TNRC6B: variants seen among roughly 807,000 people sequenced by gnomAD.
TNRC6B encodes the protein trinucleotide repeat-containing gene 6B protein.
Under a neutral mutation model 203.6 loss-of-function variants are expected in TNRC6B, and 52 were observed. The observed-to-expected ratio is 0.26, with a 90% confidence interval of 0.20 to 0.32. TNRC6B has a LOEUF of 0.32. TNRC6B is among the 10% of genes least tolerant of loss of function. The pLI, the probability that TNRC6B is intolerant of heterozygous loss-of-function variation, is 1.00. For missense variants in TNRC6B, 1,923 were observed against 2,286.2 expected (o/e 0.84, Z 3.24); for synonymous variants, 838 against 845.7 (o/e 0.99, Z 0.16).
intron 3 of TNRC6B, among the ~76,000 whole-genome samples, chr22:40,256,811 G>A (rs1038279521): frequency 1.3e-5 from 2 of 152,336 alleles, no homozygotes; most frequent in East Asian, 3.9e-4. Context: ...GCTGGAGCAC[G>A]TCTCACAGAA....
chr22:40,230,549 C>A lies in TNRC6B; in HGVS notation c.6-15466C>A, dbSNP rs1601904201. ...TCAAGTGATCCACTCACATCGGCCTCCAAGAGTGCTGGGATTACAAGTGTG... is the reference window on the plus strand; with the variant it reads ...TCAAGTGATCCACTCACATCGGCCTACAAGAGTGCTGGGATTACAAGTGTG... On this transcript the variant is annotated intron_variant, in intron 1 of 22. Transcript: ENST00000454349. Among the ~76,000 whole-genome samples the A allele has an allele frequency of 2.0e-5, 3 of 152,174 alleles. No individual in the cohort carries two copies. The East Asian group carries it at 5.8e-4, about 29-fold the overall frequency.
chr22:40,199,014 C>A (rs1001641020), intron 1 of TNRC6B, among the ~76,000 whole-genome samples: 23 of 151,936 alleles, frequency 1.5e-4, no homozygotes, highest in African/African-American at 5.6e-4. Context: ...TAACATGAGC[C>A]TGGAACATCT....
At chr22:40,246,592 G>C (rs1243502353) in intron 2 of TNRC6B, among the ~76,000 whole-genome samples, 1 of 152,208 alleles carries the variant, frequency 6.6e-6, no homozygotes, top group East Asian at 1.9e-4. Flanking sequence ...TTACCATAAA[G>C]TAGATGTTAA....
chr22:40,092,333 G>A (rs2068157032), intron 1 of TNRC6B, among the ~76,000 whole-genome samples: 1 of 150,544 alleles, frequency 6.6e-6, no homozygotes, highest in African/African-American at 2.4e-5. Context: ...AACCTGGGAG[G>A]CAGAGGTTAC....
chr22:40,294,554 A>G (rs1208167510), intron 12 of TNRC6B, among the ~76,000 whole-genome samples: 1 of 152,214 alleles, frequency 6.6e-6, no homozygotes, highest in African/African-American at 2.4e-5. Flanking sequence ...GTGGGCATGA[A>G]TTTATGGGCA....
chr22:40,220,069 T>C lies in TNRC6B; in HGVS notation c.6-25946T>C, dbSNP rs116755153. On this transcript the variant is annotated intron_variant, in intron 1 of 22. Coordinates refer to ENST00000454349, the MANE Select transcript of TNRC6B (RefSeq NM_001162501.2). ...ATATTTTATTAGCAACAAATTATGA[T>C]AGAGCTTACAAACTCCTTGAGAATC... is the stretch of plus-strand genomic sequence containing the variant. Among the ~76,000 whole-genome samples the C allele has an allele frequency of 5.6e-3, 853 of 152,304 alleles. 6 individuals carry two copies. The highest frequency in any genetic ancestry group is 0.02 in the African/African-American group (823 of 41,560).
At chr22:40,131,621 G>A (rs560153077) in intron 3 of TNRC6B, among the ~76,000 whole-genome samples, 1 of 152,154 alleles carries the variant, frequency 6.6e-6, no homozygotes, top group African/African-American at 2.4e-5. Context: ...ACACAGAATT[G>A]ACTCCTTAAA....
At chr22:40,151,857 AAAAGAAAGAAGAAAG>A (rs1020521665) in intron 3 of TNRC6B, among the ~76,000 whole-genome samples, 10 of 122,220 alleles carry the variant, frequency 8.2e-5, no homozygotes, top group Non-Finnish European at 1.1e-4. Flanking sequence ...AAAGAGAAAG[AAAAGAAAGAAGAAAG>A]AAAGAAAGAA....
intron 1 of TNRC6B, among the ~76,000 whole-genome samples, chr22:40,079,710 T>C (rs1375244515): frequency 6.6e-6 from 1 of 151,964 alleles, no homozygotes. Flanking sequence ...CCTCCAACTC[T>C]TGGACTCAGG....
At chr22:40,140,536 AC>A (rs1424989557) in intron 3 of TNRC6B, among the ~76,000 whole-genome samples, 2 of 152,234 alleles carry the variant, frequency 1.3e-5, no homozygotes, top group South Asian at 4.1e-4. Context: ...TTGGAAAGTG[AC>A]CATACCAGTC....
chr22:40,315,735 G>C (rs1410918182), intron 20 of TNRC6B, among the ~76,000 whole-genome samples: 1 of 151,518 alleles, frequency 6.6e-6, no homozygotes, highest in Non-Finnish European at 1.5e-5. Context: ...GAGAACACTG[G>C]GAGGAAAATA....
At chr22:40,226,404 TA>T (rs2069786238) in intron 1 of TNRC6B, among the ~76,000 whole-genome samples, 1 of 152,186 alleles carries the variant, frequency 6.6e-6, no homozygotes, top group African/African-American at 2.4e-5. Flanking sequence ...GACACAAACT[TA>T]ATAAAATGAC....
intron 4 of TNRC6B, among the ~76,000 whole-genome samples, chr22:40,160,946 A>G (rs1178262419): frequency 6.6e-6 from 1 of 151,894 alleles, no homozygotes; most frequent in Admixed American, 6.6e-5. Context: ...ATTTATTTTT[A>G]TTTTGTGTAT....
intron 1 of TNRC6B, among the ~76,000 whole-genome samples, chr22:40,115,867 T>G (rs2068382621): frequency 6.6e-6 from 1 of 152,030 alleles, no homozygotes; most frequent in Non-Finnish European, 1.5e-5. Context: ...TTGACTGAAT[T>G]TAGGTGGCGA....
intron 1 of TNRC6B, among the ~76,000 whole-genome samples, chr22:40,213,803 A>C (rs546158278): frequency 2.6e-5 from 4 of 152,316 alleles, no homozygotes; most frequent in African/African-American, 9.6e-5. Context: ...CTCATTTTGC[A>C]GTGCACTACT....
intron 1 of TNRC6B, among the ~76,000 whole-genome samples, chr22:40,092,772 T>G (rs917579967): frequency 6.6e-6 from 1 of 152,290 alleles, no homozygotes; most frequent in South Asian, 2.1e-4. Context: ...TCGCCTTAGC[T>G]TCCAGAGTAT....
rs1230069587 is a variant in TNRC6B at position 40,332,098 on chromosome 22, C to G, written c.*8857C>G. The G allele has an allele frequency of 6.4e-6, 1 of 156,182 alleles. No homozygotes were observed. The highest frequency in any genetic ancestry group is 1.4e-5 in the Non-Finnish European group (1 of 70,444). 9.7% of individuals were successfully genotyped at this position (156,182 alleles called of 1,614,324 possible). ...TCCTGAATTCAGAGCCCTTCAAGCT[C>G]AGGAAACCACGCTTCACTCGTGCTG... On this transcript the variant is annotated 3_prime_UTR_variant, in exon 23 of 23. Coordinates refer to ENST00000454349, the MANE Select transcript of TNRC6B (RefSeq NM_001162501.2).
intron 4 of TNRC6B, among the ~76,000 whole-genome samples, chr22:40,158,913 T>A (rs1569002175): frequency 6.6e-6 from 1 of 152,202 alleles, no homozygotes; most frequent in South Asian, 2.1e-4. Context: ...AAATGATTAT[T>A]ACTATACTTT....
chr22:40,246,284 G>A, intron 2 of TNRC6B, 182 bp downstream of exon 2: 2 of 386,380 alleles, frequency 5.2e-6, no homozygotes, highest in South Asian at 6.0e-5. Context: ...CCGCTTCCCA[G>A]GTTTAAGCGA....
Sources: gnomAD v4.1 joint callset for allele counts (sites outside exome capture counted in the v4.1 genomes callset) on GRCh38, gnomAD v4.1.1 for gene constraint, MANE v1.5 for transcripts, NCBI Gene and HGNC (gene_info 2026-07-23, HGNC 2026-07-21) for gene names.